The following IRS1 variants were observed in gnomAD, a reference collection of about 807,000 sequenced individuals.
IRS1 encodes insulin receptor substrate 1.
A neutral mutation model predicts 65.6 loss-of-function variants in IRS1; 34 were observed. The observed-to-expected ratio is 0.52, with a 90% CI of 0.39 to 0.69. IRS1 has a LOEUF of 0.69. Among genes scored for constraint, IRS1 ranks in the 30% least tolerant of loss-of-function variants. The probability of loss-of-function intolerance (pLI) is 0.00; values close to 1 mark genes in which losing one functional copy is unlikely to be tolerated. For synonymous variants in IRS1, 699 were observed against 683.5 expected (o/e 1.02, Z -0.35); for missense variants, 1,641 against 1,720.2 (o/e 0.95, Z 0.81).
chr2:226,737,205 T>A (rs1312115884), intron 1 of IRS1, among the ~76,000 whole-genome samples: 1 of 151,196 alleles, frequency 6.6e-6, no homozygotes, highest in Non-Finnish European at 1.5e-5. Flanking sequence ...TGGTTTTTTG[T>A]TCTTGTGATA....
Position 226,773,570 on chromosome 2 carries a change from G to GA in IRS1, c.*21+21418dup, listed in dbSNP as rs1010622674. ...AAAATCAATGTCTGTGTTTTTAAAA[G>GA]AAAAAAAAGAAAAGATTGTGTAGAA... On this transcript the variant is annotated intron_variant, in intron 1 of 1. Coordinates refer to ENST00000305123, the MANE Select transcript of IRS1 (RefSeq NM_005544.3). 5.5e-5 allele frequency among the ~76,000 whole-genome samples: 8 copies of GA among 144,950 alleles called. No homozygotes were observed. The East Asian group carries it at 1.4e-3, about 25-fold the overall frequency.
intron 1 of IRS1, among the ~76,000 whole-genome samples, chr2:226,764,685 G>C (rs1167766616): frequency 6.6e-6 from 1 of 152,198 alleles, no homozygotes; most frequent in Non-Finnish European, 1.5e-5. Flanking sequence ...AGCATTCCTA[G>C]AAAAGGGAGT....
chr2:226,734,955 C>A lies in IRS1; in HGVS notation c.*1317G>T, dbSNP rs766812608. 1 of 151,994 alleles carries A rather than the reference C, an allele frequency of 6.6e-6. No homozygotes were observed. Among genetic ancestry groups the A allele is most frequent in the Non-Finnish European group, 1.5e-5 (1 of 68,030 alleles). 9.4% of individuals were successfully genotyped at this position (151,994 alleles called of 1,614,324 possible). On this transcript the variant is annotated 3_prime_UTR_variant, in exon 2 of 2. Transcript: ENST00000305123. ...GCCAGCACCCACCAAGGCAAATGGGCCAATTACATTCAGTTAAATAATGTA... is the reference window on the plus strand; with the variant it reads ...GCCAGCACCCACCAAGGCAAATGGGACAATTACATTCAGTTAAATAATGTA...
intron 1 of IRS1, among the ~76,000 whole-genome samples, chr2:226,790,006 C>G (rs570244887): frequency 3.1e-4 from 47 of 152,320 alleles, no homozygotes; most frequent in Non-Finnish European, 5.9e-4. Context: ...ATGGACAGAA[C>G]AGGCTATTCT....
At chr2:226,751,786 A>C (rs369847768) in intron 1 of IRS1, among the ~76,000 whole-genome samples, 1 of 152,160 alleles carries the variant, frequency 6.6e-6, no homozygotes, top group East Asian at 1.9e-4. Flanking sequence ...ACGTTAGCTC[A>C]AAAGTGATAG....
At chr2:226,786,310 A>C (rs1486774533) in intron 1 of IRS1, among the ~76,000 whole-genome samples, 1 of 152,104 alleles carries the variant, frequency 6.6e-6, no homozygotes, top group African/African-American at 2.4e-5. Context: ...AACTTTGTGA[A>C]CCTGAGGATT....
At chr2:226,782,993 G>A (rs1157645809) in intron 1 of IRS1, among the ~76,000 whole-genome samples, 5 of 152,148 alleles carry the variant, frequency 3.3e-5, no homozygotes, top group Admixed American at 6.5e-5. Context: ...CAGTGAGACT[G>A]TGTCCCAAAA....
intron 1 of IRS1, among the ~76,000 whole-genome samples, chr2:226,778,813 G>A (rs970644029): frequency 6.6e-6 from 1 of 152,172 alleles, no homozygotes; most frequent in African/African-American, 2.4e-5. Context: ...TATGTCACCT[G>A]TTCCAGATCT....
intron 1 of IRS1, among the ~76,000 whole-genome samples, chr2:226,740,489 T>C (rs919595341): frequency 3.9e-5 from 6 of 152,232 alleles, no homozygotes; most frequent in Middle Eastern, 3.4e-3. Context: ...GAAAAACAAA[T>C]AAAGACTTTG....
rs562032246 is a variant in IRS1, at chr2:226,799,726, C to T, written c.-988G>A. 2.0e-6 allele frequency: 2 copies of T among 999,516 alleles called. No individual in the cohort carries two copies. Among genetic ancestry groups the T allele is most frequent in the Non-Finnish European group, 2.4e-6 (2 of 830,112 alleles). 61.9% of individuals were successfully genotyped at this position (999,516 alleles called of 1,614,324 possible). On this transcript the variant is annotated 5_prime_UTR_variant, in exon 1 of 2. Transcript: ENST00000305123. The surrounding 1 kb of genome is among the most constrained non-coding windows in gnomAD (Gnocchi z 6.1). ...AACCAAAACAAGCGGCGGCGTCTGG[C>T]TCTGCGCGCCGGCCCCCTCCGACCG...
intron 1 of IRS1, among the ~76,000 whole-genome samples, chr2:226,754,152 T>C (rs1938746180): frequency 6.6e-6 from 1 of 152,238 alleles, no homozygotes; most frequent in African/African-American, 2.4e-5. Context: ...CCTCAGCCTA[T>C]CTTTTAATGC....
intron 1 of IRS1, among the ~76,000 whole-genome samples, chr2:226,787,324 G>T (rs1448781101): frequency 6.6e-6 from 1 of 152,132 alleles, no homozygotes; most frequent in African/African-American, 2.4e-5. Flanking sequence ...GCCATGGTTA[G>T]AAAGATTCAG....
chr2:226,798,917 G>T lies in IRS1; in HGVS notation c.-179C>A. On this transcript the variant is annotated 5_prime_UTR_variant, in exon 1 of 2. It adds an upstream start codon to the 5' untranslated region. Transcript: ENST00000305123. This position sits in a 1 kb window ranked among gnomAD's most constrained non-coding sequence, Gnocchi z 9.4. ...GGAGGGGCAGCTGAAGGAGGACGCA[G>T]CTGCTGAGCCCAGGAGAGAGCCCGA... 1 of 1,492,188 alleles carries T rather than the reference G, an allele frequency of 6.7e-7. No individual in the cohort carries two copies. Among genetic ancestry groups the T allele is most frequent in the Non-Finnish European group, 8.9e-7 (1 of 1,119,512 alleles). 92.4% of individuals were successfully genotyped at this position (1,492,188 alleles called of 1,614,324 possible).
rs1445144379 is a variant in IRS1 at position 226,799,174 on chromosome 2, C to T, written c.-436G>A. The stretch of plus-strand genomic sequence containing the variant: ...CGCGCGCGCCTTCCCTCCTGAGTTC[C>T]CCTCTGGAAGCAGCGATTCCCGAGG... On this transcript the variant is annotated 5_prime_UTR_variant, in exon 1 of 2. Transcript: ENST00000305123. This position sits in a 1 kb window ranked among gnomAD's most constrained non-coding sequence, Gnocchi z 6.1. 3.6e-6 allele frequency: 4 copies of T among 1,104,786 alleles called. No individual in the cohort carries two copies. Among genetic ancestry groups the T allele is most frequent in the Non-Finnish European group, 3.4e-6 (3 of 893,302 alleles). The allele number at this position is 1,104,786 out of a possible 1,614,324, so 68.4% of individuals were successfully genotyped here.
intron 1 of IRS1, among the ~76,000 whole-genome samples, chr2:226,752,890 C>T (rs1236453249): frequency 2.0e-5 from 3 of 152,184 alleles, no homozygotes; most frequent in Admixed American, 6.5e-5. Context: ...CACTGAGCTG[C>T]GGTTTCACGG....
chr2:226,758,012 A>T (rs1261015132), intron 1 of IRS1, among the ~76,000 whole-genome samples: 1 of 152,242 alleles, frequency 6.6e-6, no homozygotes, highest in Non-Finnish European at 1.5e-5. Context: ...ACAATTTGCC[A>T]AAACATTTAT....
intron 1 of IRS1, among the ~76,000 whole-genome samples, chr2:226,783,785 G>A (rs1201597378): frequency 6.6e-6 from 1 of 152,116 alleles, no homozygotes; most frequent in East Asian, 1.9e-4. Context: ...TCCCCTTGAT[G>A]CTGGGTGTGG....
intron 1 of IRS1, among the ~76,000 whole-genome samples, chr2:226,740,727 C>T (rs1289474193): frequency 6.6e-6 from 1 of 152,106 alleles, no homozygotes; most frequent in Non-Finnish European, 1.5e-5. Context: ...CATTGCTAGT[C>T]GTTTCTACTT....
intron 1 of IRS1, among the ~76,000 whole-genome samples, chr2:226,753,503 G>GA (rs1938724633): frequency 6.6e-6 from 1 of 152,068 alleles, no homozygotes; most frequent in Non-Finnish European, 1.5e-5. Context: ...ACTTACATTT[G>GA]ATTACAATCC....
Sources: gnomAD v4.1 joint callset for allele counts (sites outside exome capture counted in the v4.1 genomes callset) on GRCh38, gnomAD v4.1.1 for gene constraint, Gnocchi (gnomAD v3.1) non-coding constraint, MANE v1.5 for transcripts, NCBI Gene and HGNC (gene_info 2026-07-23, HGNC 2026-07-21) for gene names.